GFRA2: variants seen among roughly 807,000 people sequenced by gnomAD.
GFRA2 encodes the protein GDNF family receptor alpha 2.
GFRA2 carries 17 observed loss-of-function variants against 48.3 expected under a neutral mutation model. That is an observed-to-expected ratio of 0.35 (90% CI 0.24 to 0.53). The LOEUF (loss-of-function observed/expected upper bound fraction) is 0.53. Ranked by LOEUF, GFRA2 falls within the 20% of genes least tolerant of loss-of-function variation. The pLI is 0.93. For missense variants in GFRA2, 660 were observed against 637.3 expected, an observed-to-expected ratio of 1.04 and a Z score of -0.38; for synonymous variants, 305 against 257.2, an observed-to-expected ratio of 1.19 and a Z score of -1.78.
intron 3 of GFRA2, among the ~76,000 whole-genome samples, chr8:21,772,630 C>G (rs985050568): frequency 6.6e-6 from 1 of 152,210 alleles, no homozygotes; most frequent in African/African-American, 2.4e-5. Flanking sequence ...GTCCCCAAAG[C>G]CCAGCCCTCA....
intron 4 of GFRA2, among the ~76,000 whole-genome samples, chr8:21,738,323 T>C (rs938273501): frequency 6.6e-6 from 1 of 150,762 alleles, no homozygotes; most frequent in South Asian, 2.1e-4. Flanking sequence ...GTTCACTGTC[T>C]GCATCCAGTG....
intron 8 of GFRA2, 29 bp downstream of exon 8, chr8:21,694,435 C>A: frequency 6.2e-7 from 1 of 1,605,040 alleles, no homozygotes; most frequent in Non-Finnish European, 8.5e-7. Flanking sequence ...CAGCCTTCTG[C>A]ACCCATCCCC....
intron 3 of GFRA2, among the ~76,000 whole-genome samples, chr8:21,773,690 A>G (rs1234395989): frequency 6.6e-6 from 1 of 152,222 alleles, no homozygotes; most frequent in Non-Finnish European, 1.5e-5. Flanking sequence ...GAAAACAATA[A>G]TGGAAAAAAA....
At chr8:21,760,044 G>A (rs1341012178) in intron 3 of GFRA2, among the ~76,000 whole-genome samples, 1 of 152,134 alleles carries the variant, frequency 6.6e-6, no homozygotes, top group Admixed American at 6.5e-5. Context: ...CAAAGGAGGA[G>A]CAAGCACAAA....
At chr8:21,783,627 TC>T (rs1807122480) in intron 1 of GFRA2, among the ~76,000 whole-genome samples, 3 of 149,942 alleles carry the variant, frequency 2.0e-5, no homozygotes, top group South Asian at 4.2e-4. Context: ...GCTACCCCTT[TC>T]CCCCCTCACC....
rs1803537029 is a variant in GFRA2, at chr8:21,720,373, T to C, written c.795-14332A>G. On this transcript the variant is annotated intron_variant, in intron 4 of 8. Transcript: ENST00000524240. ...CACCTTTCTGTGACTGAGCTCCTCA[T>C]CCATAAAAGGGGGCAAGGAGTTTCT... is the stretch of plus-strand genomic sequence containing the variant. 2.0e-5 allele frequency among the ~76,000 whole-genome samples: 3 copies of C among 152,042 alleles called. 1 individual carries two copies. The South Asian group carries it at 6.2e-4, about 32-fold the overall frequency.
At chr8:21,705,242 G>A in intron 5 of GFRA2, 117 bp from the exon 6 acceptor site, 2 of 988,610 alleles carry the variant, frequency 2.0e-6, no homozygotes, top group South Asian at 1.7e-5. Context: ...CTCTGACCTG[G>A]CCCCAAAACA....
intron 4 of GFRA2, among the ~76,000 whole-genome samples, chr8:21,710,202 G>A (rs1802948488): frequency 6.6e-6 from 1 of 152,222 alleles, no homozygotes; most frequent in Admixed American, 6.5e-5. Flanking sequence ...TGAACAAACA[G>A]GGAGAGTCAC....
Position 21,727,750 on chromosome 8 carries a change from A to G in GFRA2, c.795-21709T>C, listed in dbSNP as rs111700905. On this transcript the variant is annotated intron_variant, in intron 4 of 8. Coordinates refer to ENST00000524240, the MANE Select transcript of GFRA2 (RefSeq NM_001495.5). ...TCGGTATTTGAGGGCCAGGCCAATC[A>G]TCTGTCCTCTCCTTACCACCGCGGT... is the stretch of plus-strand genomic sequence containing the variant. 5.4e-3 allele frequency among the ~76,000 whole-genome samples: 825 copies of G among 152,272 alleles called. 1 individual carries two copies. The highest frequency in any genetic ancestry group is 8.0e-3 in the Non-Finnish European group (547 of 68,024).
chr8:21,796,727 C>T (rs1225040635), intron 2 of GFRA2, among the ~76,000 whole-genome samples: 1 of 152,242 alleles, frequency 6.6e-6, no homozygotes. Flanking sequence ...TGCACTCCTG[C>T]TTTCCTGGTA....
At chr8:21,729,159 T>A (rs1420387383) in intron 4 of GFRA2, among the ~76,000 whole-genome samples, 3 of 152,130 alleles carry the variant, frequency 2.0e-5, no homozygotes, top group African/African-American at 7.2e-5. Context: ...CTGGCTGAGC[T>A]GTGGGGCATT....
intron 4 of GFRA2, among the ~76,000 whole-genome samples, chr8:21,730,888 T>C (rs968550621): frequency 6.6e-6 from 1 of 152,184 alleles, no homozygotes; most frequent in African/African-American, 2.4e-5. Context: ...TTGAGATAAG[T>C]ATTAATTATC....
chr8:21,716,848 G>A (rs191864237), intron 4 of GFRA2, among the ~76,000 whole-genome samples: 57 of 152,306 alleles, frequency 3.7e-4, no homozygotes, highest in African/African-American at 1.2e-3. Context: ...AGGACCTCCC[G>A]AAACATGCTT....
chr8:21,695,811 T>C (rs1802136290), intron 7 of GFRA2, among the ~76,000 whole-genome samples: 2 of 152,178 alleles, frequency 1.3e-5, no homozygotes, highest in African/African-American at 4.8e-5. Context: ...GCCTCGCATC[T>C]GTCCTCCCGA....
At chr8:21,788,052 G>GCCCCCCCCCCC in intron 1 of GFRA2, 68 bp downstream of exon 1, 3 of 418,974 alleles carry the variant, frequency 7.2e-6, no homozygotes, top group Non-Finnish European at 1.2e-5. Context: ...CCCCACCGGC[G>GCCCCCCCCCCC]CTCCGCTCGC....
At chr8:21,797,862 C>T (rs1807705650) in intron 2 of GFRA2, 2 of 152,304 alleles carry the variant, frequency 1.3e-5, no homozygotes, top group Non-Finnish European at 2.9e-5. Flanking sequence ...CCTCAGACTG[C>T]AGTGGCCTTT....
At chr8:21,792,258 A>G (rs1466885950), upstream of GFRA2, among the ~76,000 whole-genome samples, 1 of 152,224 alleles carries the variant, frequency 6.6e-6, no homozygotes, top group African/African-American at 2.4e-5. Context: ...CCTGGGCCAC[A>G]CTGCTCACTG....
In GFRA2 at chr8:21,750,800, G is replaced by A. The variant is rs765940919; in HGVS notation, c.582C>T (p.Arg194=). The change falls in exon 4 of 9, where the codon CGC becomes CGT. Residue 194 remains arginine (R), a synonymous_variant. Transcript: ENST00000524240. The surrounding 1 kb of genome is among the most constrained non-coding windows in gnomAD (Gnocchi z 5.7). The part of the protein sequence containing the change: ...ICNREISPTE[R]CNRRKCHKAL... The stretch of plus-strand genomic sequence containing the variant: ...CCTTGTGGCACTTGCGGCGGTTGCA[G>A]CGCTCGGTGGGCGAGATCTCGCGGT... 1.9e-6 allele frequency: 3 copies of A among 1,613,930 alleles called. No individual in the cohort carries two copies. The highest frequency in any genetic ancestry group is 1.7e-6 in the Non-Finnish European group (2 of 1,179,910).
chr8:21,753,081 G>T (rs981326142), intron 3 of GFRA2, among the ~76,000 whole-genome samples: 3 of 152,138 alleles, frequency 2.0e-5, no homozygotes, highest in Non-Finnish European at 4.4e-5. Flanking sequence ...GACAGCCATT[G>T]CTCCTAGGCT....
Sources: allele counts gnomAD v4.1 joint callset (sites outside exome capture counted in the v4.1 genomes callset), GRCh38; gene constraint gnomAD v4.1.1; non-coding constraint Gnocchi (gnomAD v3.1); transcripts MANE v1.5; gene names NCBI Gene and HGNC (gene_info 2026-07-23, HGNC 2026-07-21).